Variants in LINGO1 observed in about 807,000 individuals in gnomAD.
LINGO1 encodes the protein leucine rich repeat and Ig domain containing 1, also known as leucine-rich repeat and immunoglobulin-like domain-containing nogo receptor-interacting protein 1.
Under a neutral mutation model 37.3 loss-of-function variants are expected in LINGO1, and 11 were observed. That is an observed-to-expected ratio of 0.29 (90% confidence interval 0.19 to 0.49). The LOEUF (loss-of-function observed/expected upper bound fraction) is 0.49. Ranked by LOEUF, LINGO1 falls within the 20% of genes least tolerant of loss-of-function variation. LINGO1 has a pLI of 0.99. For synonymous variants in LINGO1, 387 were observed against 403.0 expected, an observed-to-expected ratio of 0.96 and a Z score of 0.48; for missense variants, 585 against 878.2, an observed-to-expected ratio of 0.67 and a Z score of 4.22.
chr15:77,640,217 C>T (rs191748024), intron 3 of LINGO1, among the ~76,000 whole-genome samples: 3 of 152,278 alleles, frequency 2.0e-5, no homozygotes, highest in Admixed American at 6.5e-5. Context: ...TTGAGAGACT[C>T]GCAAAGTCTT....
At chr15:77,785,305 A>G (rs1448344912) in intron 1 of LINGO1, among the ~76,000 whole-genome samples, 6 of 152,152 alleles carry the variant, frequency 3.9e-5, no homozygotes, top group Admixed American at 3.9e-4. Context: ...ATTTTGGCTG[A>G]AGGCGGCCCG....
At chr15:77,655,388 T>A (rs2074844522) in intron 3 of LINGO1, among the ~76,000 whole-genome samples, 2 of 152,078 alleles carry the variant, frequency 1.3e-5, no homozygotes, top group African/African-American at 4.8e-5. Context: ...CCATCCCACC[T>A]TCTCCTCTGC....
upstream of LINGO1, among the ~76,000 whole-genome samples, chr15:77,787,439 CT>C (rs2076782608): frequency 1.3e-5 from 2 of 152,096 alleles, no homozygotes; most frequent in African/African-American, 4.8e-5. Context: ...AGAAACACAG[CT>C]GCAGGGAGCC....
intron 2 of LINGO1, among the ~76,000 whole-genome samples, chr15:77,706,920 T>C (rs898966642): frequency 7.2e-5 from 11 of 152,340 alleles, no homozygotes; most frequent in Non-Finnish European, 1.6e-4. Context: ...CCAGAGGAGA[T>C]GCTGGCAGGA....
intron 3 of LINGO1, among the ~76,000 whole-genome samples, chr15:77,662,817 C>A (rs2075025837): frequency 6.6e-6 from 1 of 152,226 alleles, no homozygotes; most frequent in African/African-American, 2.4e-5. Context: ...ACACACTGCA[C>A]ATGTGTATAC....
intron 1 of LINGO1, among the ~76,000 whole-genome samples, chr15:77,768,073 G>A (rs1423256925): frequency 6.6e-6 from 1 of 152,230 alleles, no homozygotes; most frequent in Non-Finnish European, 1.5e-5. Context: ...CAACACAGTG[G>A]CCTCCCCTCC....
intron 2 of LINGO1, among the ~76,000 whole-genome samples, chr15:77,709,257 G>T (rs571218729): frequency 1.3e-5 from 2 of 152,214 alleles, no homozygotes; most frequent in African/African-American, 4.8e-5. Flanking sequence ...AAAATGGGGT[G>T]AGCCTCCCAT....
At chr15:77,751,358 A>G (rs1282630259) in intron 1 of LINGO1, among the ~76,000 whole-genome samples, 1 of 152,248 alleles carries the variant, frequency 6.6e-6, no homozygotes, top group Non-Finnish European at 1.5e-5. Context: ...ATTACCTTGA[A>G]CACCATGACT....
At chr15:77,722,937 C>T (rs1167551293) in intron 2 of LINGO1, among the ~76,000 whole-genome samples, 1 of 152,166 alleles carries the variant, frequency 6.6e-6, no homozygotes, top group Non-Finnish European at 1.5e-5. Context: ...CAGGGCGCTC[C>T]GGGGCTGGGC....
chr15:77,664,174 C>CGCGCGCGCGCGT (rs1555527601), intron 3 of LINGO1, among the ~76,000 whole-genome samples: 3,826 of 100,344 alleles, frequency 0.038, 210 homozygotes, highest in African/African-American at 0.13. Context: ...TGTGTGTGCG[C>CGCGCGCGCGCGT]GCGCGCATGC....
upstream of LINGO1, among the ~76,000 whole-genome samples, chr15:77,789,968 C>T (rs774442860): frequency 2.0e-4 from 31 of 152,054 alleles, no homozygotes; most frequent in Admixed American, 9.8e-4. Context: ...GACCATGTCT[C>T]GCCATGTTGC....
Position 77,663,653 on chromosome 15 carries a change from G to C in LINGO1, c.-13+13436C>G, listed in dbSNP as rs2075047310. On this transcript the variant is annotated intron_variant, in intron 3 of 3. Coordinates refer to the LINGO1 transcript ENST00000559893. ...CCCACTGCCTGAAATCCCACCAGTA[G>C]GGGTCCTTCCTCAGTGTTTGGGTGT... Among the ~76,000 whole-genome samples the C allele has an allele frequency of 1.3e-5, 2 of 152,222 alleles. 1 individual carries two copies.
chr15:77,719,230 G>A (rs1270973863), intron 2 of LINGO1, among the ~76,000 whole-genome samples: 1 of 150,076 alleles, frequency 6.7e-6, no homozygotes, highest in Non-Finnish European at 1.5e-5. Flanking sequence ...GCAGTGACAG[G>A]ACTGAGCGGC....
chr15:77,809,902 A>G (rs1217797645), intron 1 of LINGO1, among the ~76,000 whole-genome samples: 2 of 152,090 alleles, frequency 1.3e-5, no homozygotes, highest in Non-Finnish European at 2.9e-5. Flanking sequence ...CAGAGAACAG[A>G]CAGGCTTGCT....
At chr15:77,751,432 A>C (rs1238722816) in intron 1 of LINGO1, among the ~76,000 whole-genome samples, 1 of 152,196 alleles carries the variant, frequency 6.6e-6, no homozygotes, top group Non-Finnish European at 1.5e-5. Flanking sequence ...AGAAATTTAG[A>C]ATACCAGAAA....
intron 2 of LINGO1, among the ~76,000 whole-genome samples, chr15:77,686,097 C>T (rs746398848): frequency 5.7e-4 from 87 of 152,040 alleles, no homozygotes; most frequent in African/African-American, 1.9e-3. Context: ...GGGTGGGACC[C>T]GGAATGGGGA....
intron 1 of LINGO1, among the ~76,000 whole-genome samples, chr15:77,691,878 C>T (rs35091811): frequency 0.077 from 11,657 of 152,120 alleles, 543 homozygotes; most frequent in Middle Eastern, 0.13. Flanking sequence ...GGTTGGGTTG[C>T]AGGATGTACG....
At chr15:77,808,091 C>T (rs565920605) in intron 1 of LINGO1, among the ~76,000 whole-genome samples, 24 of 152,098 alleles carry the variant, frequency 1.6e-4, no homozygotes, top group Non-Finnish European at 2.2e-4. Flanking sequence ...GCCCCCTGCT[C>T]GCTCACCCCT....
chr15:77,759,987 C>T (rs1022731394), intron 1 of LINGO1, among the ~76,000 whole-genome samples: 4 of 152,182 alleles, frequency 2.6e-5, no homozygotes, highest in African/African-American at 7.2e-5. Flanking sequence ...GGATGTGGCC[C>T]GGAAATAAAC....
Sources: allele counts gnomAD v4.1 joint callset (sites outside exome capture counted in the v4.1 genomes callset), GRCh38; gene constraint gnomAD v4.1.1; transcripts MANE v1.5; gene names NCBI Gene and HGNC (gene_info 2026-07-23, HGNC 2026-07-21).